Variants in AP1M1 observed in about 807,000 individuals in gnomAD.
AP1M1 encodes the protein adaptor related protein complex 1 subunit mu 1.
In AP1M1, 18 loss-of-function variants were observed where a neutral mutation model predicts 57.1. The observed-to-expected ratio is 0.32, with a 90% CI of 0.22 to 0.47. The LOEUF (loss-of-function observed/expected upper bound fraction) is 0.47, where lower values mean the gene tolerates loss of function less well. Ranked by LOEUF, AP1M1 falls within the 20% of genes least tolerant of loss-of-function variation. The probability of loss-of-function intolerance (pLI) is 1.00; values close to 1 mark genes in which losing one functional copy is unlikely to be tolerated. For synonymous variants in AP1M1, 241 were observed against 237.9 expected (o/e 1.01, Z -0.12); for missense variants, 362 against 593.5 (o/e 0.61, Z 4.05).
intron 9 of AP1M1, among the ~76,000 whole-genome samples, chr19:16,231,768 C>T (rs1188774762): frequency 6.6e-6 from 1 of 152,228 alleles, no homozygotes; most frequent in African/African-American, 2.4e-5. Context: ...CTTCAAGATC[C>T]AGCTTCCATT....
At chr19:16,229,021 G>A in intron 9 of AP1M1, 93 bp downstream of exon 9, 1 of 1,441,692 alleles carries the variant, frequency 6.9e-7, no homozygotes, top group Non-Finnish European at 9.5e-7. Context: ...TCAAGATGGG[G>A]TGACAGTGGC....
Position 16,201,388 on chromosome 19 carries a change from C to CTTTTT in AP1M1, c.43-2047_43-2043dup, listed in dbSNP as rs57467734. On this transcript the variant is annotated intron_variant, in intron 1 of 11. Transcript: ENST00000291439. The stretch of plus-strand genomic sequence containing the variant: ...CAGCCAGAGCAAGCAGGGAGGATTT[C>CTTTTT]TTTTTTTTTTTTTTTTTTTTTTTTT... Among the ~76,000 whole-genome samples the CTTTTT allele has an allele frequency of 6.2e-3, 389 of 62,398 alleles. 30 individuals carry two copies. The highest frequency in any genetic ancestry group is 8.6e-3 in the Non-Finnish European group (291 of 33,966). 40.9% of individuals were successfully genotyped at this position (62,398 alleles called of 152,430 possible). A position where few individuals can be genotyped will look rare whatever the true frequency, so the allele number is the denominator to read the frequency against.
Position 16,227,485 on chromosome 19 carries a change from G to A in AP1M1, c.674-63G>A. ...TGCCGGGGTGGGTTGCAGGTGGTAG[G>A]AGTACTGCTGAGATAGTGACCCGGA... On this transcript the variant is annotated intron_variant, in intron 6 of 11. Transcript: ENST00000291439. This position sits in a 1 kb window ranked among gnomAD's most constrained non-coding sequence, Gnocchi z 6.2. 2 of 1,575,200 alleles carry A rather than the reference G, an allele frequency of 1.3e-6. No homozygotes were observed. The highest frequency in any genetic ancestry group is 2.3e-5 in the East Asian group (1 of 44,098).
chr19:16,233,517 GC>G lies in AP1M1; in HGVS notation c.1075del (p.His359ThrfsTer37). The G allele has an allele frequency of 6.2e-7, 1 of 1,604,204 alleles. No individual in the cohort carries two copies. The highest frequency in any genetic ancestry group is 1.3e-5 in the African/African-American group (1 of 74,972). ...FPGGKEYLMRAHFGLPSVEAE... is the reference protein window; with the variant it reads ...FPGGKEYLMRXHFGLPSVEAE... ...GGGCGGCAAGGAGTACCTGATGCGG[GC>G]CCACTTCGGCCTGCCTAGTGTGGAG... On this transcript the variant is annotated frameshift_variant, in exon 10 of 12. Coordinates refer to ENST00000291439, the MANE Select transcript of AP1M1 (RefSeq NM_032493.4). LOFTEE classifies it high-confidence loss of function.
At chr19:16,201,834 G>A (rs2145111500) in intron 1 of AP1M1, among the ~76,000 whole-genome samples, 1 of 152,336 alleles carries the variant, frequency 6.6e-6, no homozygotes, top group African/African-American at 2.4e-5. Context: ...GGAGCAGAGT[G>A]AACCAGGGCA....
At chr19:16,229,834 G>A (rs886418029) in intron 9 of AP1M1, among the ~76,000 whole-genome samples, 6 of 152,156 alleles carry the variant, frequency 3.9e-5, no homozygotes, top group Admixed American at 3.9e-4. Context: ...CTCATTATGT[G>A]CAAGTAGAGC....
In AP1M1 at chr19:16,240,358, T is replaced by G. The variant is rs1457609393; in HGVS notation, c.*5923T>G. ...AGAAGGCCCAACATGCCAGCAAGTATCTAACACAAACCAAAAAATGAGAAC... is the reference window on the plus strand; with the variant it reads ...AGAAGGCCCAACATGCCAGCAAGTAGCTAACACAAACCAAAAAATGAGAAC... On this transcript the variant is annotated 3_prime_UTR_variant, in exon 12 of 12. Coordinates refer to ENST00000291439, the MANE Select transcript of AP1M1 (RefSeq NM_032493.4). 1.3e-5 allele frequency: 2 copies of G among 151,914 alleles called. No homozygotes were observed. Among genetic ancestry groups the G allele is most frequent in the Admixed American group, 1.3e-4 (2 of 15,190 alleles). 9.4% of individuals were successfully genotyped at this position (151,914 alleles called of 1,614,324 possible).
chr19:16,207,978 G>T lies in AP1M1; in HGVS notation c.268-41G>T, dbSNP rs1171303244. 1 of 1,591,328 alleles carries T rather than the reference G, an allele frequency of 6.3e-7. No individual in the cohort carries two copies. ...TTCATTCCTCATCCGTCCGCTCAAT[G>T]ATCTGCCTCCCATTCCTCCCTCCCT... On this transcript the variant is annotated intron_variant, in intron 3 of 11. Coordinates refer to ENST00000291439, the MANE Select transcript of AP1M1 (RefSeq NM_032493.4). The surrounding 1 kb of genome is among the most constrained non-coding windows in gnomAD (Gnocchi z 4.2).
chr19:16,233,479 C>A lies in AP1M1; in HGVS notation c.1048-14C>A. 1 of 1,589,402 alleles carries A rather than the reference C, an allele frequency of 6.3e-7. No homozygotes were observed. The highest frequency in any genetic ancestry group is 8.6e-7 in the Non-Finnish European group (1 of 1,168,820). ...AGGGCCTAGGCCTGAGCGCCTCCCCCGTCTGCTCCCCAGGGCGGCAAGGAG... is the reference window on the plus strand; with the variant it reads ...AGGGCCTAGGCCTGAGCGCCTCCCCAGTCTGCTCCCCAGGGCGGCAAGGAG... On this transcript the variant is annotated splice_polypyrimidine_tract_variant and intron_variant, in intron 9 of 11. Coordinates refer to ENST00000291439, the MANE Select transcript of AP1M1 (RefSeq NM_032493.4).
chr19:16,229,327 C>CGGCT, intron 9 of AP1M1, among the ~76,000 whole-genome samples: 1 of 152,262 alleles, frequency 6.6e-6, no homozygotes, highest in East Asian at 1.9e-4. Flanking sequence ...TCAAGGGGAA[C>CGGCT]GGCTGCCTGT....
intron 5 of AP1M1, among the ~76,000 whole-genome samples, chr19:16,223,670 G>A (rs757649201): frequency 2.6e-5 from 4 of 152,202 alleles, no homozygotes; most frequent in Non-Finnish European, 4.4e-5. Flanking sequence ...CTGAGCTCTC[G>A]TGTGCTCTGT....
Position 16,241,279 on chromosome 19 carries a change from C to T in AP1M1, c.*6844C>T, listed in dbSNP as rs1409786178. 6.6e-6 allele frequency: 1 copy of T among 150,440 alleles called. No homozygotes were observed. The highest frequency in any genetic ancestry group is 6.7e-5 in the Admixed American group (1 of 14,992). The allele number at this position is 150,440 out of a possible 1,614,324, so 9.3% of individuals were successfully genotyped here. A position where few individuals can be genotyped will look rare whatever the true frequency, so the allele number is the denominator to read the frequency against. On this transcript the variant is annotated 3_prime_UTR_variant, in exon 12 of 12. Coordinates refer to ENST00000291439, the MANE Select transcript of AP1M1 (RefSeq NM_032493.4). ...AGTGAGCCGAGATCGCGCCACTGTA[C>T]TCCAGCTTGGGCAAAGTGAGATTCT...
At position 16,236,567 on chromosome 19, in the gene AP1M1, A is replaced by G. The variant is rs2091625694; in HGVS notation, c.*2132A>G. On this transcript the variant is annotated 3_prime_UTR_variant, in exon 12 of 12. Transcript: ENST00000291439. Reference sequence around the variant, plus strand: ...GAGATGACTCCTGCGTGAAGCTGGGATCCTCGAGGGTCATGATACTTAACA... The same window carrying G: ...GAGATGACTCCTGCGTGAAGCTGGGGTCCTCGAGGGTCATGATACTTAACA... 3 of 152,176 alleles carry G rather than the reference A, an allele frequency of 2.0e-5. No homozygotes were observed. Among genetic ancestry groups the G allele is most frequent in the Admixed American group, 2.0e-4 (3 of 15,260 alleles). 9.4% of individuals were successfully genotyped at this position (152,176 alleles called of 1,614,324 possible). A position where few individuals can be genotyped will look rare whatever the true frequency, so the allele number is the denominator to read the frequency against.
chr19:16,232,460 A>ATTT (rs2091602994), intron 9 of AP1M1, among the ~76,000 whole-genome samples: 1 of 152,134 alleles, frequency 6.6e-6, no homozygotes, highest in Non-Finnish European at 1.5e-5. Context: ...TAAGGTTCAG[A>ATTT]TTTGGGGTCT....
rs981641017 is a variant in AP1M1 at position 16,240,540 on chromosome 19, C to A, written c.*6105C>A. 8 of 152,206 alleles carry A rather than the reference C, an allele frequency of 5.3e-5. No homozygotes were observed. The highest frequency in any genetic ancestry group is 1.9e-4 in the African/African-American group (8 of 41,500). The allele number at this position is 152,206 out of a possible 1,614,324, so 9.4% of individuals were successfully genotyped here. ...TCTCGGCTCATTACAACCTCTGCCT[C>A]CCAGGTTCAAGCAATTCTCATATCT... On this transcript the variant is annotated 3_prime_UTR_variant, in exon 12 of 12. Transcript: ENST00000291439.
rs547336474 is a variant in AP1M1 at position 16,211,042 on chromosome 19, A to AG, written c.546+1867dup. The stretch of plus-strand genomic sequence containing the variant: ...TCCAGATAGAAGTCCTCTGTCAGAT[A>AG]GGTGATTTGCAAGTATTTTCCCCCA... On this transcript the variant is annotated intron_variant, in intron 5 of 11. Transcript: ENST00000291439. 1.7e-4 allele frequency among the ~76,000 whole-genome samples: 26 copies of AG among 151,042 alleles called. No homozygotes were observed. In the East Asian group the frequency reaches 4.8e-3, roughly 28 times the overall value.
At chr19:16,211,101 GTTT>G (rs1555724141) in intron 5 of AP1M1, among the ~76,000 whole-genome samples, 1 of 39,260 alleles carries the variant, frequency 2.5e-5, no homozygotes. Flanking sequence ...TCTTAGCAGT[GTTT>G]TTTTTTTTTC....
chr19:16,210,059 C>G (rs1212334512), intron 5 of AP1M1, among the ~76,000 whole-genome samples: 1 of 152,108 alleles, frequency 6.6e-6, no homozygotes, highest in African/African-American at 2.4e-5. Context: ...GATTGTCACA[C>G]GAGTGGCATC....
intron 1 of AP1M1, 174 bp downstream of exon 1, chr19:16,198,242 G>T (rs2091432576): frequency 3.7e-6 from 2 of 539,654 alleles, no homozygotes; most frequent in Admixed American, 8.2e-5. Flanking sequence ...CCGGGCGGGG[G>T]TCTTAAGTGG....
Sources: allele counts gnomAD v4.1 joint callset (sites outside exome capture counted in the v4.1 genomes callset), GRCh38; gene constraint gnomAD v4.1.1; non-coding constraint Gnocchi (gnomAD v3.1); transcripts MANE v1.5; gene names NCBI Gene and HGNC (gene_info 2026-07-23, HGNC 2026-07-21).